The following ZNF284 variants were observed in gnomAD, a reference collection of about 807,000 sequenced individuals.
ZNF284 encodes the protein zinc finger protein 284.
ZNF284 carries 12 observed loss-of-function variants against 12.9 expected under a neutral mutation model. The ratio of observed to expected loss-of-function variants is 0.93; its 90% CI spans 0.60 to 1.51. ZNF284 has a LOEUF of 1.51. Among genes scored for constraint, ZNF284 ranks in the 40% most tolerant of loss-of-function variants. The pLI, the probability that ZNF284 is intolerant of heterozygous loss-of-function variation, is 0.00. For synonymous variants in ZNF284, 225 were observed against 236.5 expected (o/e 0.95, Z 0.45); for missense variants, 667 against 707.3 (o/e 0.94, Z 0.65).
intron 4 of ZNF284, among the ~76,000 whole-genome samples, chr19:44,082,314 T>G (rs1253532599): frequency 1.3e-5 from 2 of 151,698 alleles, no homozygotes; most frequent in Non-Finnish European, 2.9e-5. Context: ...CCTTAGGGAA[T>G]GTAAGTCAGA....
chr19:44,083,504 G>GTATATAT lies in ZNF284; in HGVS notation c.235+1399_235+1400insTATATAT, dbSNP rs1568522612. On this transcript the variant is annotated intron_variant, in intron 4 of 4. Coordinates refer to ENST00000421176, the MANE Select transcript of ZNF284 (RefSeq NM_001037813.4). Reference sequence around the variant, plus strand: ...AGAGAGAGAGAGAGAGAGAGAGAGGGAATGGAATACCATCCTATCTTTACC... The same window carrying GTATATAT: ...AGAGAGAGAGAGAGAGAGAGAGAGGGTATATATAATGGAATACCATCCTATCTTTACC... Among the ~76,000 whole-genome samples, 44 of 88,156 alleles carry GTATATAT rather than the reference G, an allele frequency of 5.0e-4. 6 individuals carry two copies. The highest frequency in any genetic ancestry group is 1.4e-3 in the South Asian group (3 of 2,210). 57.8% of individuals were successfully genotyped at this position (88,156 alleles called of 152,430 possible). A position where few individuals can be genotyped will look rare whatever the true frequency, so the allele number is the denominator to read the frequency against.
intron 2 of ZNF284, among the ~76,000 whole-genome samples, chr19:44,080,581 G>A (rs985133151): frequency 6.6e-6 from 1 of 152,100 alleles, no homozygotes; most frequent in Admixed American, 6.5e-5. Flanking sequence ...GTGAGACTCT[G>A]TCTCAAAAAA....
At position 44,088,300 on chromosome 19, in the gene ZNF284, A is replaced by AT. The variant is rs1449408012; in HGVS notation, c.*1040_*1041insT. On this transcript the variant is annotated 3_prime_UTR_variant, in exon 5 of 5. Coordinates refer to ENST00000421176, the MANE Select transcript of ZNF284 (RefSeq NM_001037813.4). ...TATTTATCTTTCTGGGCCTGAATTT[A>AT]CATCACTCAACATCATGTTCTCCAA... 1.3e-5 allele frequency: 2 copies of AT among 152,240 alleles called. No homozygotes were observed. The highest frequency in any genetic ancestry group is 4.8e-5 in the African/African-American group (2 of 41,464). The allele number at this position is 152,240 out of a possible 1,614,324, so 9.4% of individuals were successfully genotyped here. A position where few individuals can be genotyped will look rare whatever the true frequency, so the allele number is the denominator to read the frequency against.
At chr19:44,081,214 A>T in intron 3 of ZNF284, 73 bp downstream of exon 3, 5 of 1,510,404 alleles carry the variant, frequency 3.3e-6, no homozygotes, top group Non-Finnish European at 4.5e-6. Context: ...TGTTTGTGTT[A>T]GTTTGTTCTT....
Position 44,076,423 on chromosome 19 carries a change from T to C in ZNF284, c.15+19T>C. 1.2e-6 allele frequency: 2 copies of C among 1,605,388 alleles called. No individual in the cohort carries two copies. Among genetic ancestry groups the C allele is most frequent in the Non-Finnish European group, 1.7e-6 (2 of 1,175,264 alleles). The stretch of plus-strand genomic sequence containing the variant: ...GTTCAAGGTGAGTAAGTCTGGTCTC[T>C]TTTGCTGTTCAGATTCTGTTTTGCT... On this transcript the variant is annotated intron_variant, in intron 2 of 4. Coordinates refer to ENST00000421176, the MANE Select transcript of ZNF284 (RefSeq NM_001037813.4).
chr19:44,085,832 A>C lies in ZNF284; in HGVS notation c.354A>C (p.Ile118=). Residue 118 remains isoleucine, a synonymous_variant, in exon 5 of 5, where the codon ATA becomes ATC. Transcript: ENST00000421176. ...AGTTAACTAGACCTCAAGACTCCAT[A>C]AGTAGCTCTCAGTTCTCCACACAAG... ...ASELTRPQDS[I]SSSQFSTQGD... is the part of the protein sequence containing the mutation. 1 of 1,581,098 alleles carries C rather than the reference A, an allele frequency of 6.3e-7. No individual in the cohort carries two copies. Among genetic ancestry groups the C allele is most frequent in the Non-Finnish European group, 8.6e-7 (1 of 1,160,318 alleles).
At position 44,089,548 on chromosome 19, in the gene ZNF284, A is replaced by C. The variant is rs1290896045; in HGVS notation, c.*2288A>C. 1 of 152,032 alleles carries C rather than the reference A, an allele frequency of 6.6e-6. No individual in the cohort carries two copies. The highest frequency in any genetic ancestry group is 1.9e-4 in the East Asian group (1 of 5,186). The allele number at this position is 152,032 out of a possible 1,614,324, so 9.4% of individuals were successfully genotyped here. A position where few individuals can be genotyped will look rare whatever the true frequency, so the allele number is the denominator to read the frequency against. On this transcript the variant is annotated 3_prime_UTR_variant, in exon 5 of 5. Coordinates refer to ENST00000421176, the MANE Select transcript of ZNF284 (RefSeq NM_001037813.4). ...CAAATGTGAAGACAACCCTAACCAT[A>C]CTCATTATCTGTAAAAGATGTAGCA...
In ZNF284 at chr19:44,086,503, T is replaced by A. The variant is rs187624893; in HGVS notation, c.1025T>A (p.Leu342Gln). The A allele has an allele frequency of 4.0e-5, 65 of 1,614,142 alleles. No individual in the cohort carries two copies. The highest frequency in any genetic ancestry group is 5.5e-5 in the Non-Finnish European group (65 of 1,180,016). Residue 342 changes from leucine (L) to glutamine (Q), a missense_variant, in exon 5 of 5, where the codon CTA becomes CAA. Leu to Gln is a moderately radical substitution (Grantham distance 113, BLOSUM62 -2). Coordinates refer to ENST00000421176, the MANE Select transcript of ZNF284 (RefSeq NM_001037813.4). The part of the protein sequence containing the change: ...SHCMDHTKEK[L>Q]YKCEECGRSF... ...TGCATGGACCACACAAAAGAGAAACTATACAAATGTGAAGAATGTGGAAGG... is the reference window on the plus strand; with the variant it reads ...TGCATGGACCACACAAAAGAGAAACAATACAAATGTGAAGAATGTGGAAGG...
intron 3 of ZNF284, 41 bp from the exon 4 acceptor site, chr19:44,081,972 C>T: frequency 6.5e-7 from 1 of 1,532,244 alleles, no homozygotes; most frequent in African/African-American, 1.4e-5. Flanking sequence ...GTAAATTTTA[C>T]CTAAGATGTA....
chr19:44,077,224 T>C (rs772899747), intron 2 of ZNF284, among the ~76,000 whole-genome samples: 13 of 152,254 alleles, frequency 8.5e-5, no homozygotes, highest in Non-Finnish European at 1.5e-4. Flanking sequence ...AAAATATCCA[T>C]ATGTGGCATG....
chr19:44,077,697 T>A (rs191979033), intron 2 of ZNF284, among the ~76,000 whole-genome samples: 1 of 152,226 alleles, frequency 6.6e-6, no homozygotes, highest in East Asian at 1.9e-4. Context: ...CTCTTAAATA[T>A]GTGAAATATG....
intron 4 of ZNF284, 145 bp downstream of exon 4, chr19:44,082,250 C>A: frequency 3.3e-6 from 2 of 602,856 alleles, no homozygotes; most frequent in Admixed American, 3.0e-5. Context: ...GTCCTGCTCC[C>A]CCACCCCCTC....
In ZNF284 at chr19:44,086,604, T is replaced by G. The variant is rs745868774; in HGVS notation, c.1126T>G (p.Cys376Gly). The change falls in exon 5 of 5, where the codon TGT becomes GGT. Residue 376 changes from cysteine to glycine, a missense_variant. Cys to Gly is a radical substitution (Grantham distance 159). Coordinates refer to ENST00000421176, the MANE Select transcript of ZNF284 (RefSeq NM_001037813.4). ...AGACAAACCATATAATTGTAATGTA[T>G]GTGGGAAGGGCTTCAGGTGGTCCTC... ...TGDKPYNCNV[C>G]GKGFRWSSCL... 8 of 1,614,192 alleles carry G rather than the reference T, an allele frequency of 5.0e-6. No homozygotes were observed. The South Asian group carries it at 8.8e-5, about 18-fold the overall frequency.
In ZNF284 at chr19:44,087,193, G is replaced by A. The variant is rs1967274432; in HGVS notation, c.1715G>A (p.Cys572Tyr). 1.9e-6 allele frequency: 3 copies of A among 1,612,702 alleles called. No individual in the cohort carries two copies. Among genetic ancestry groups the A allele is most frequent in the East Asian group, 4.5e-5 (2 of 44,876 alleles). ...GAAAAAACATCCAAATGTGAGGACTGTGGGAAGCGCTACGAGAGGCGCTTG... is the reference window on the plus strand; with the variant it reads ...GAAAAAACATCCAAATGTGAGGACTATGGGAAGCGCTACGAGAGGCGCTTG... ...SGEKTSKCED[C>Y]GKRYERRLNL... Residue 572 changes from cysteine (C) to tyrosine (Y), a missense_variant, in exon 5 of 5, where the codon TGT becomes TAT. Cys to Tyr is a radical substitution (Grantham distance 194, BLOSUM62 -2). Coordinates refer to ENST00000421176, the MANE Select transcript of ZNF284 (RefSeq NM_001037813.4).
At chr19:44,074,905 C>T (rs547710895) in intron 1 of ZNF284, among the ~76,000 whole-genome samples, 1 of 152,242 alleles carries the variant, frequency 6.6e-6, no homozygotes, top group South Asian at 2.1e-4. Flanking sequence ...GAGGCTGACG[C>T]ATAAGAATCA....
chr19:44,089,214 A>AC lies in ZNF284; in HGVS notation c.*1955dup, dbSNP rs1299146759. Reference sequence around the variant, plus strand: ...CAGTTACAGTGCCCTATAGCCTCGAACTCCTGGGCCTAAGTGATCCTCTTG... The same window carrying AC: ...CAGTTACAGTGCCCTATAGCCTCGAACCTCCTGGGCCTAAGTGATCCTCTTG... On this transcript the variant is annotated 3_prime_UTR_variant, in exon 5 of 5. Transcript: ENST00000421176. The AC allele has an allele frequency of 6.7e-6, 1 of 150,212 alleles. No individual in the cohort carries two copies. Among genetic ancestry groups the AC allele is most frequent in the African/African-American group, 2.5e-5 (1 of 40,684 alleles). 9.3% of individuals were successfully genotyped at this position (150,212 alleles called of 1,614,324 possible).
rs1340398993 is a variant in ZNF284 at position 44,087,849 on chromosome 19, C to T, written c.*589C>T. The T allele has an allele frequency of 1.2e-5, 1 of 81,108 alleles. No individual in the cohort carries two copies. Among genetic ancestry groups the T allele is most frequent in the Non-Finnish European group, 2.5e-5 (1 of 40,586 alleles). 5.0% of individuals were successfully genotyped at this position (81,108 alleles called of 1,614,324 possible). A position where few individuals can be genotyped will look rare whatever the true frequency, so the allele number is the denominator to read the frequency against. ...ATGGCTTGATCTCGGCTCACTGCAACCTCTGCCTCCTGGGTTCAAACGATT... is the reference window on the plus strand; with the variant it reads ...ATGGCTTGATCTCGGCTCACTGCAATCTCTGCCTCCTGGGTTCAAACGATT... On this transcript the variant is annotated 3_prime_UTR_variant, in exon 5 of 5. Coordinates refer to ENST00000421176, the MANE Select transcript of ZNF284 (RefSeq NM_001037813.4).
chr19:44,083,498 G>T (rs1488236460), intron 4 of ZNF284, among the ~76,000 whole-genome samples: 4,848 of 44,506 alleles, frequency 0.11, 1,096 homozygotes, highest in Non-Finnish European at 0.24. Flanking sequence ...GAGAGAGAGA[G>T]AGAGGGAATG....
chr19:44,078,621 C>T (rs1169656860), intron 2 of ZNF284, among the ~76,000 whole-genome samples: 1 of 152,070 alleles, frequency 6.6e-6, no homozygotes, highest in East Asian at 1.9e-4. Flanking sequence ...ACCACGATGC[C>T]TGGCTAGTTT....
Sources: allele counts gnomAD v4.1 joint callset (sites outside exome capture counted in the v4.1 genomes callset), GRCh38; gene constraint gnomAD v4.1.1; transcripts MANE v1.5; gene names NCBI Gene and HGNC (gene_info 2026-07-23, HGNC 2026-07-21).